Variants in LRIG1 observed in about 807,000 individuals in gnomAD.
LRIG1 encodes the protein leucine rich repeats and immunoglobulin like domains 1, also known as leucine-rich repeats and immunoglobulin-like domains protein 1.
LRIG1 carries 48 observed loss-of-function variants against 99.2 expected under a neutral mutation model. The observed-to-expected ratio is 0.48, with a 90% CI of 0.38 to 0.62. The LOEUF (loss-of-function observed/expected upper bound fraction) is 0.62. LRIG1 is among the 20% of genes least tolerant of loss of function. The pLI is 0.00. For missense variants in LRIG1, 1,646 were observed against 1,434.4 expected, an observed-to-expected ratio of 1.15 and a Z score of -2.38; for synonymous variants, 772 against 596.1, an observed-to-expected ratio of 1.29 and a Z score of -4.30.
In LRIG1 at chr3:66,449,279, A is replaced by C. The variant is rs577139876; in HGVS notation, c.365+2280T>G. Among the ~76,000 whole-genome samples the C allele has an allele frequency of 2.9e-4, 44 of 152,340 alleles. 1 individual carries two copies. The South Asian group carries it at 8.3e-3, about 29-fold the overall frequency. On this transcript the variant is annotated intron_variant, in intron 3 of 18. Coordinates refer to ENST00000273261, the MANE Select transcript of LRIG1 (RefSeq NM_015541.3). Reference sequence around the variant, plus strand: ...GGCATCCAATCTAAGAATGGGGAACACAGGCACCTCAGAGAAAACCAAGAT... The same window carrying C: ...GGCATCCAATCTAAGAATGGGGAACCCAGGCACCTCAGAGAAAACCAAGAT...
Position 66,379,389 on chromosome 3 carries a change from TC to T in LRIG1, c.*873del, listed in dbSNP as rs776938712. ...TCATTATATTGGCAAAACGAAAACA[TC>T]AGTATAGAAAAATCCACAGGTACCA... On this transcript the variant is annotated 3_prime_UTR_variant, in exon 19 of 19. Coordinates refer to ENST00000273261, the MANE Select transcript of LRIG1 (RefSeq NM_015541.3). 35 of 151,916 alleles carry T rather than the reference TC, an allele frequency of 2.3e-4. No homozygotes were observed. The highest frequency in any genetic ancestry group is 4.4e-4 in the Non-Finnish European group (30 of 67,884). The allele number at this position is 151,916 out of a possible 1,614,324, so 9.4% of individuals were successfully genotyped here.
At chr3:66,464,348 T>C (rs1700423138) in intron 1 of LRIG1, among the ~76,000 whole-genome samples, 1 of 152,144 alleles carries the variant, frequency 6.6e-6, no homozygotes, top group African/African-American at 2.4e-5. Context: ...GAGCCTGCCC[T>C]GTGTGTAACA....
intron 5 of LRIG1, among the ~76,000 whole-genome samples, chr3:66,413,928 T>A (rs967666283): frequency 6.6e-6 from 1 of 151,972 alleles, no homozygotes; most frequent in Admixed American, 6.6e-5. Flanking sequence ...AATACTGTCT[T>A]ATTTTCCTGA....
chr3:66,391,326 G>T (rs754405441), intron 12 of LRIG1, among the ~76,000 whole-genome samples: 1 of 152,112 alleles, frequency 6.6e-6, no homozygotes, highest in African/African-American at 2.4e-5. Flanking sequence ...GTACCCAAGA[G>T]AATCACACAA....
At chr3:66,412,132 G>A (rs894692598) in intron 6 of LRIG1, among the ~76,000 whole-genome samples, 4 of 152,228 alleles carry the variant, frequency 2.6e-5, no homozygotes, top group African/African-American at 7.2e-5. Flanking sequence ...TTCTGCTGCT[G>A]TACACATCTG....
rs569060310 is a variant in LRIG1, at chr3:66,386,450, C to T, written c.1469-149G>A. 29 of 657,618 alleles carry T rather than the reference C, an allele frequency of 4.4e-5. No individual in the cohort carries two copies. In the African/African-American group the frequency reaches 5.2e-4, roughly 12 times the overall value. 40.7% of individuals were successfully genotyped at this position (657,618 alleles called of 1,614,324 possible). On this transcript the variant is annotated intron_variant, in intron 12 of 18. Transcript: ENST00000273261. ...CATCCTCAGCCCCACCAACCAGATG[C>T]CGTAAGAGTTGCACCATGGACATCT...
In LRIG1 at chr3:66,465,790, C is replaced by T. The variant is rs117007017; in HGVS notation, c.219-3281G>A. On this transcript the variant is annotated intron_variant, in intron 1 of 18. Coordinates refer to ENST00000273261, the MANE Select transcript of LRIG1 (RefSeq NM_015541.3). ...ACTGTTGTGCAACCATCACCACCGTCCATCTCCAGAACTTTAGAAGTTTCT... is the reference window on the plus strand; with the variant it reads ...ACTGTTGTGCAACCATCACCACCGTTCATCTCCAGAACTTTAGAAGTTTCT... Among the ~76,000 whole-genome samples the T allele has an allele frequency of 5.8e-3, 888 of 152,302 alleles. 21 individuals are homozygous for T. The highest frequency in any genetic ancestry group is 0.042 in the Admixed American group (639 of 15,300).
chr3:66,437,558 C>T (rs1703401904), intron 3 of LRIG1, among the ~76,000 whole-genome samples: 1 of 152,184 alleles, frequency 6.6e-6, no homozygotes, highest in Non-Finnish European at 1.5e-5. Context: ...ATAACGTGCC[C>T]AAGCCTGTCT....
At chr3:66,453,869 C>T (rs938332718) in intron 2 of LRIG1, among the ~76,000 whole-genome samples, 1 of 152,202 alleles carries the variant, frequency 6.6e-6, no homozygotes, top group East Asian at 1.9e-4. Flanking sequence ...CCTGATGAGC[C>T]TGGTCTCAGG....
At chr3:66,426,984 G>C (rs916942149) in intron 3 of LRIG1, among the ~76,000 whole-genome samples, 3 of 152,224 alleles carry the variant, frequency 2.0e-5, no homozygotes, top group Admixed American at 2.0e-4. Context: ...CTTACTTAAT[G>C]AATAAGCGAA....
At chr3:66,383,515 C>CTGA in intron 14 of LRIG1, 114 bp from the exon 15 acceptor site, 2 of 952,804 alleles carry the variant, frequency 2.1e-6, no homozygotes, top group Non-Finnish European at 3.1e-6. Flanking sequence ...ATCTGAGATT[C>CTGA]TGTCTCAGAG....
chr3:66,411,800 A>G (rs1305386591), intron 6 of LRIG1, among the ~76,000 whole-genome samples: 4 of 152,212 alleles, frequency 2.6e-5, no homozygotes, highest in Non-Finnish European at 4.4e-5. Flanking sequence ...TCGCAAGTGG[A>G]TAAGTAAAGA....
chr3:66,410,290 C>A lies in LRIG1; in HGVS notation c.792-18G>T. ...CCAGGTGCCTGCAATGACAGCCATGCACAGGATGAAGAGGAGCTTTCACTC... is the reference window on the plus strand; with the variant it reads ...CCAGGTGCCTGCAATGACAGCCATGAACAGGATGAAGAGGAGCTTTCACTC... On this transcript the variant is annotated intron_variant, in intron 6 of 18. Coordinates refer to ENST00000273261, the MANE Select transcript of LRIG1 (RefSeq NM_015541.3). 1 of 1,590,688 alleles carries A rather than the reference C, an allele frequency of 6.3e-7. No homozygotes were observed. Among genetic ancestry groups the A allele is most frequent in the Non-Finnish European group, 8.6e-7 (1 of 1,168,778 alleles).
Position 66,417,181 on chromosome 3 carries a change from T to G in LRIG1, c.451A>C (p.Ile151Leu). Reference sequence around the variant, plus strand: ...AAGCAGGTGTTCCGCACTTCCGTGATGTTGTTCAAACTCAGATCTAACACT... The same window carrying G: ...AAGCAGGTGTTCCGCACTTCCGTGAGGTTGTTCAAACTCAGATCTAACACT... ...LEVLDLSLNN[I>L]TEVRNTCFPH... Residue 151 changes from isoleucine (I) to leucine (L), a missense_variant, in exon 4 of 19, where the codon ATC becomes CTC. By Grantham distance (5) the Ile-to-Leu change is conservative (BLOSUM62 2). Transcript: ENST00000273261. 6.2e-7 allele frequency: 1 copy of G among 1,614,232 alleles called. No homozygotes were observed. Among genetic ancestry groups the G allele is most frequent in the South Asian group, 1.1e-5 (1 of 91,084 alleles).
At chr3:66,435,562 G>C (rs552694571) in intron 3 of LRIG1, among the ~76,000 whole-genome samples, 2 of 152,270 alleles carry the variant, frequency 1.3e-5, no homozygotes, top group Admixed American at 1.3e-4. Context: ...CTGGATGGCA[G>C]AGCAAGACTC....
chr3:66,459,556 A>T (rs546900316), intron 2 of LRIG1, among the ~76,000 whole-genome samples: 1 of 152,302 alleles, frequency 6.6e-6, no homozygotes, highest in East Asian at 1.9e-4. Context: ...TGTTTCCGTT[A>T]TCAAGCCTCC....
intron 9 of LRIG1, among the ~76,000 whole-genome samples, chr3:66,403,084 G>A (rs1042889374): frequency 2.0e-5 from 3 of 152,050 alleles, no homozygotes; most frequent in Admixed American, 6.6e-5. Context: ...CTAGGTAGAC[G>A]GAGTAGTATC....
chr3:66,380,844 C>T lies in LRIG1; in HGVS notation c.2788G>A (p.Val930Ile), dbSNP rs143941704. ...PHKMEHGGRV[V>I]CSDCNTEVDC... The stretch of plus-strand genomic sequence containing the variant: ...ACTTCGGTGTTGCAGTCACTGCATA[C>T]GACCCGGCCACCGTGTTCTGAAGGA... Residue 930 changes from valine to isoleucine, a missense_variant, in exon 18 of 19, where the codon GTA becomes ATA. Physicochemically the swap from Val to Ile is conservative, Grantham distance 29. Transcript: ENST00000273261. The T allele has an allele frequency of 6.3e-5, 101 of 1,614,004 alleles. No individual in the cohort carries two copies. The highest frequency in any genetic ancestry group is 2.7e-4 in the Admixed American group (16 of 60,032).
At chr3:66,399,212 G>T (rs190732441) in intron 9 of LRIG1, among the ~76,000 whole-genome samples, 171 bp from the exon 10 acceptor site, 1 of 152,210 alleles carries the variant, frequency 6.6e-6, no homozygotes, top group Non-Finnish European at 1.5e-5. Context: ...ACGGGTTTGA[G>T]GCACGCAGGC....
Sources: gnomAD v4.1 joint callset for allele counts (sites outside exome capture counted in the v4.1 genomes callset) on GRCh38, gnomAD v4.1.1 for gene constraint, MANE v1.5 for transcripts, NCBI Gene and HGNC (gene_info 2026-07-23, HGNC 2026-07-21) for gene names.